The following QSOX1 variants were observed in gnomAD, a reference collection of about 807,000 sequenced individuals.
QSOX1 encodes sulfhydryl oxidase 1.
Under a neutral mutation model 76.1 loss-of-function variants are expected in QSOX1, and 40 were observed. That is an observed-to-expected ratio of 0.53 (90% CI 0.41 to 0.68). The LOEUF (loss-of-function observed/expected upper bound fraction) is 0.68. Among genes scored for constraint, QSOX1 ranks in the 30% least tolerant of loss-of-function variants. The pLI, the probability that QSOX1 is intolerant of heterozygous loss-of-function variation, is 0.00. For synonymous variants in QSOX1, 392 were observed against 413.1 expected, an observed-to-expected ratio of 0.95 and a Z score of 0.62; for missense variants, 931 against 974.3, an observed-to-expected ratio of 0.96 and a Z score of 0.59.
At position 180,155,002 on chromosome 1, in the gene QSOX1, G is replaced by A. The variant is rs1315508178; in HGVS notation, c.95G>A (p.Arg32Gln). 6.6e-7 allele frequency: 1 copy of A among 1,510,190 alleles called. No homozygotes were observed. The highest frequency in any genetic ancestry group is 8.8e-7 in the Non-Finnish European group (1 of 1,136,820). The allele number at this position is 1,510,190 out of a possible 1,614,324, so 93.5% of individuals were successfully genotyped here. ...GTTCCCGGCGCTAACGCGGCCCCGC[G>A]GTCGGCGCTCTATTCGCCTTCCGAC... ...LAVPGANAAP[R>Q]SALYSPSDPL... Residue 32 changes from arginine to glutamine, a missense_variant, in exon 1 of 12, where the codon CGG becomes CAG. Arg to Gln is a conservative substitution (Grantham distance 43). Coordinates refer to ENST00000367602, the MANE Select transcript of QSOX1 (RefSeq NM_002826.5).
At position 180,202,499 on chromosome 1, in the gene QSOX1, C is replaced by T. The variant is rs1179009754; in HGVS notation, c.*5462C>T. 1 of 152,116 alleles carries T rather than the reference C, an allele frequency of 6.6e-6. No individual in the cohort carries two copies. The highest frequency in any genetic ancestry group is 6.6e-5 in the Admixed American group (1 of 15,266). The allele number at this position is 152,116 out of a possible 1,614,324, so 9.4% of individuals were successfully genotyped here. On this transcript the variant is annotated 3_prime_UTR_variant, in exon 12 of 12. Coordinates refer to ENST00000367602, the MANE Select transcript of QSOX1 (RefSeq NM_002826.5). ...CTAGTTTGAATCTGCTCTGCAATGT[C>T]CCCATCAAGTTCTTAACCATCCCGG...
chr1:180,185,113 G>C (rs3820306), intron 7 of QSOX1, among the ~76,000 whole-genome samples: 141,155 of 152,212 alleles, frequency 0.93, 65,627 homozygotes, highest in Admixed American at 0.96. Context: ...CCCAAGGACA[G>C]CAAAGTGGAA....
intron 10 of QSOX1, among the ~76,000 whole-genome samples, chr1:180,193,252 G>T (rs977285821): frequency 2.0e-5 from 3 of 152,102 alleles, no homozygotes; most frequent in African/African-American, 7.2e-5. Flanking sequence ...AATCCTGGAG[G>T]TGAGGAGTGG....
chr1:180,190,985 G>A (rs1474142994), intron 10 of QSOX1, among the ~76,000 whole-genome samples: 1 of 152,172 alleles, frequency 6.6e-6, no homozygotes, highest in Non-Finnish European at 1.5e-5. Flanking sequence ...CATAGCAGGT[G>A]CTTTGAGCAA....
chr1:180,168,824 C>T (rs1054921596), intron 2 of QSOX1, among the ~76,000 whole-genome samples: 6 of 152,314 alleles, frequency 3.9e-5, no homozygotes, highest in African/African-American at 1.4e-4. Context: ...AGAGGCTGAC[C>T]TGGAGACTGC....
At chr1:180,190,614 C>G (rs779552349) in intron 10 of QSOX1, 34 bp downstream of exon 10, 1 of 1,598,086 alleles carries the variant, frequency 6.3e-7, no homozygotes, top group South Asian at 1.1e-5. Flanking sequence ...CACTGTGCCT[C>G]CAACCCTGCT....
Position 180,197,547 on chromosome 1 carries a change from C to T in QSOX1, c.*510C>T. The stretch of plus-strand genomic sequence containing the variant: ...GGGAGGAAGGACCACCCCGGGCCCT[C>T]TATGCCTGGCCAGCCTCCAGCTCCT... On this transcript the variant is annotated 3_prime_UTR_variant, in exon 12 of 12. Coordinates refer to ENST00000367602, the MANE Select transcript of QSOX1 (RefSeq NM_002826.5). 1.4e-6 allele frequency: 1 copy of T among 712,764 alleles called. No homozygotes were observed. The highest frequency in any genetic ancestry group is 2.3e-6 in the Non-Finnish European group (1 of 438,234). The allele number at this position is 712,764 out of a possible 1,614,324, so 44.2% of individuals were successfully genotyped here.
intron 7 of QSOX1, among the ~76,000 whole-genome samples, chr1:180,184,615 C>A (rs958850704): frequency 1.3e-5 from 2 of 152,172 alleles, no homozygotes; most frequent in Non-Finnish European, 2.9e-5. Flanking sequence ...GAGAGCTGCT[C>A]TTCTCTCTGA....
intron 1 of QSOX1, among the ~76,000 whole-genome samples, chr1:180,159,649 G>A (rs1304748101): frequency 6.6e-6 from 1 of 152,246 alleles, no homozygotes; most frequent in African/African-American, 2.4e-5. Context: ...AAAGGTTAAA[G>A]CAGAGGAGAC....
chr1:180,168,378 G>T (rs1244349612), intron 2 of QSOX1, among the ~76,000 whole-genome samples: 1 of 147,714 alleles, frequency 6.8e-6, no homozygotes, highest in Non-Finnish European at 1.5e-5. Context: ...CAACACGGTG[G>T]CCTCCCCCGG....
At chr1:180,156,598 T>C (rs1392670421) in intron 1 of QSOX1, among the ~76,000 whole-genome samples, 1 of 152,204 alleles carries the variant, frequency 6.6e-6, no homozygotes, top group African/African-American at 2.4e-5. Context: ...TTTAGCCATA[T>C]GGTCCTGGAA....
intron 2 of QSOX1, among the ~76,000 whole-genome samples, chr1:180,169,142 C>T (rs1461338425): frequency 3.3e-5 from 5 of 152,244 alleles, no homozygotes; most frequent in Admixed American, 1.3e-4. Flanking sequence ...GTCAGGTCCC[C>T]ATCAGGTTGG....
intron 8 of QSOX1, among the ~76,000 whole-genome samples, chr1:180,187,129 C>G (rs1211829683): frequency 6.6e-6 from 1 of 152,198 alleles, no homozygotes; most frequent in Non-Finnish European, 1.5e-5. Context: ...TCCTTGGGAA[C>G]TTCCTGCCAG....
At chr1:180,195,318 A>G (rs890444671) in intron 11 of QSOX1, among the ~76,000 whole-genome samples, 3 of 152,128 alleles carry the variant, frequency 2.0e-5, no homozygotes, top group Non-Finnish European at 4.4e-5. Context: ...TACCAGGCAC[A>G]AGCTGAGAGC....
rs1426243997 is a variant in QSOX1 at position 180,178,860 on chromosome 1, G to C, written c.582G>C (p.Lys194Asn). 5 of 1,613,912 alleles carry C rather than the reference G, an allele frequency of 3.1e-6. No individual in the cohort carries two copies. The South Asian group carries it at 5.5e-5, about 18-fold the overall frequency. ...AGTACCTGGCTCTGATCTTTGAAAA[G>C]GGAGGCTCCTACCTGGGTAGAGAGG... ...NEEYLALIFE[K>N]GGSYLGREVA... is the part of the protein sequence containing the mutation. Residue 194 changes from lysine to asparagine, a missense_variant, in exon 5 of 12, where the codon AAG becomes AAC. Coordinates refer to ENST00000367602, the MANE Select transcript of QSOX1 (RefSeq NM_002826.5).
Position 180,198,497 on chromosome 1 carries a change from ATCC to A in QSOX1, c.*1461_*1463del. 1 of 424,588 alleles carries A rather than the reference ATCC, an allele frequency of 2.4e-6. No individual in the cohort carries two copies. The highest frequency in any genetic ancestry group is 7.3e-5 in the East Asian group (1 of 13,762). 26.3% of individuals were successfully genotyped at this position (424,588 alleles called of 1,614,324 possible). On this transcript the variant is annotated 3_prime_UTR_variant, in exon 12 of 12. Coordinates refer to ENST00000367602, the MANE Select transcript of QSOX1 (RefSeq NM_002826.5). ...TCATTAAGGGGGAGCAGGAGCCTCA[ATCC>A]GATTTGGTTTTCTCTTTGACATCTT...
intron 1 of QSOX1, among the ~76,000 whole-genome samples, chr1:180,163,833 A>G (rs961650080): frequency 5.9e-5 from 9 of 152,208 alleles, no homozygotes; most frequent in Non-Finnish European, 1.0e-4. Context: ...AGAAAAGATC[A>G]TTTGGTGGCT....
chr1:180,160,419 C>CT (rs1242762175), intron 1 of QSOX1, among the ~76,000 whole-genome samples: 2 of 151,240 alleles, frequency 1.3e-5, no homozygotes, highest in Non-Finnish European at 2.9e-5. Context: ...ACACATGGGT[C>CT]TAAAAGTCTG....
Position 180,197,366 on chromosome 1 carries a change from C to A in QSOX1, c.*329C>A. 17 of 1,613,932 alleles carry A rather than the reference C, an allele frequency of 1.1e-5. No homozygotes were observed. The highest frequency in any genetic ancestry group is 1.4e-5 in the Non-Finnish European group (17 of 1,179,998). ...AAGTCCTGCCTCATTCTCACTGGAG[C>A]CTCAGTCTCTCCTGCTTGGTCTTGG... On this transcript the variant is annotated 3_prime_UTR_variant, in exon 12 of 12. Transcript: ENST00000367602.
Sources: gnomAD v4.1 joint callset for allele counts (sites outside exome capture counted in the v4.1 genomes callset) on GRCh38, gnomAD v4.1.1 for gene constraint, MANE v1.5 for transcripts, NCBI Gene and HGNC (gene_info 2026-07-23, HGNC 2026-07-21) for gene names.